Variants in VAPA observed in about 807,000 individuals in gnomAD.
VAPA encodes the protein vesicle-associated membrane protein-associated protein A.
In VAPA, 6 loss-of-function variants were observed where a neutral mutation model predicts 25.6. The observed-to-expected ratio is 0.23, with a 90% CI of 0.13 to 0.46. VAPA has a LOEUF of 0.46. Ranked by LOEUF, VAPA falls within the 20% of genes least tolerant of loss-of-function variation. VAPA has a pLI of 0.99. For synonymous variants in VAPA, 112 were observed against 106.2 expected, an observed-to-expected ratio of 1.05 and a Z score of -0.34; for missense variants, 244 against 302.1, an observed-to-expected ratio of 0.81 and a Z score of 1.43.
chr18:9,930,854 A>G (rs762817923), intron 1 of VAPA, among the ~76,000 whole-genome samples: 1 of 152,036 alleles, frequency 6.6e-6, no homozygotes, highest in East Asian at 1.9e-4. Context: ...ATATTTTACT[A>G]CTAACAAACT....
chr18:9,922,163 T>G (rs936389024), intron 1 of VAPA, among the ~76,000 whole-genome samples: 1 of 152,036 alleles, frequency 6.6e-6, no homozygotes, highest in Non-Finnish European at 1.5e-5. Context: ...GTAGAGACAG[T>G]CTTGCTATTT....
intron 3 of VAPA, 42 bp from the exon 4 acceptor site, chr18:9,936,944 T>A (rs1003884109): frequency 3.8e-6 from 6 of 1,567,366 alleles, no homozygotes; most frequent in Non-Finnish European, 4.4e-6. Flanking sequence ...CTTACCATGA[T>A]CATACCTCCT....
At chr18:9,944,925 G>T (rs1269839696) in intron 4 of VAPA, 1 of 1,614,002 alleles carries the variant, frequency 6.2e-7, no homozygotes, top group Non-Finnish European at 8.5e-7. Flanking sequence ...CCATCTCAGG[G>T]TATAACTCCA....
intron 1 of VAPA, among the ~76,000 whole-genome samples, chr18:9,930,578 G>A (rs976036039): frequency 1.4e-4 from 21 of 151,920 alleles, no homozygotes; most frequent in African/African-American, 5.1e-4. Context: ...AAAGATAATG[G>A]AAGCTCTTGG....
Position 9,955,993 on chromosome 18 carries a change from C to T in VAPA, c.*1782C>T, listed in dbSNP as rs2069545963. On this transcript the variant is annotated 3_prime_UTR_variant, in exon 6 of 6. Coordinates refer to ENST00000400000, the MANE Select transcript of VAPA (RefSeq NM_194434.3). ...GAATCAGTAATTCCTTGGCTTAAAG[C>T]TCTTATATAATCAATATTATTGGTG... The T allele has an allele frequency of 6.6e-6, 1 of 152,106 alleles. No homozygotes were observed. The highest frequency in any genetic ancestry group is 1.9e-4 in the East Asian group (1 of 5,198). The allele number at this position is 152,106 out of a possible 1,614,324, so 9.4% of individuals were successfully genotyped here.
chr18:9,914,413 C>A (rs900501472), intron 1 of VAPA, 78 bp downstream of exon 1: 34 of 1,347,570 alleles, frequency 2.5e-5, no homozygotes, highest in Non-Finnish European at 3.0e-5. Flanking sequence ...GCGGAGGGCA[C>A]GTCCGCGGCC....
At chr18:9,921,679 T>TTATC (rs1405785367) in intron 1 of VAPA, among the ~76,000 whole-genome samples, 2 of 152,218 alleles carry the variant, frequency 1.3e-5, no homozygotes, top group Non-Finnish European at 2.9e-5. Flanking sequence ...AGGTGGAAGT[T>TTATC]GATACAGGAT....
intron 4 of VAPA, 118 bp downstream of exon 4, chr18:9,937,184 A>T: frequency 3.8e-6 from 2 of 531,554 alleles, no homozygotes; most frequent in South Asian, 4.3e-5. Context: ...ACTTCATAAG[A>T]CTCAGTGGTT....
At chr18:9,950,215 G>A (rs2069474175) in intron 4 of VAPA, 180 bp from the exon 5 acceptor site, 1 of 588,676 alleles carries the variant, frequency 1.7e-6, no homozygotes, top group Non-Finnish European at 3.0e-6. Flanking sequence ...ACGTGCCAGG[G>A]ATTATGGGAA....
At chr18:9,931,396 G>T (rs1254376485) in intron 1 of VAPA, among the ~76,000 whole-genome samples, 9 of 152,218 alleles carry the variant, frequency 5.9e-5, no homozygotes, top group Admixed American at 5.9e-4. Flanking sequence ...GTCATAGGGT[G>T]TAGGGTCTTC....
At chr18:9,948,312 A>G (rs1203212387) in intron 4 of VAPA, 1 of 152,196 alleles carries the variant, frequency 6.6e-6, no homozygotes, top group Admixed American at 6.5e-5. Flanking sequence ...AAAGAATGGA[A>G]AGCTGCCCAT....
At chr18:9,953,192 C>CAG (rs2069508039) in intron 5 of VAPA, among the ~76,000 whole-genome samples, 1 of 152,174 alleles carries the variant, frequency 6.6e-6, no homozygotes, top group Non-Finnish European at 1.5e-5. Context: ...GCTCTAAAGA[C>CAG]ATAGTGCTGT....
chr18:9,917,308 A>T (rs757138239), intron 1 of VAPA, among the ~76,000 whole-genome samples: 6 of 152,050 alleles, frequency 3.9e-5, no homozygotes, highest in South Asian at 2.1e-4. Flanking sequence ...GTTTTTTTAA[A>T]TTTTTTTATT....
intron 4 of VAPA, among the ~76,000 whole-genome samples, chr18:9,946,026 T>C (rs1299296817): frequency 6.6e-6 from 1 of 152,338 alleles, no homozygotes; most frequent in East Asian, 1.9e-4. Flanking sequence ...ATGTCTTTTA[T>C]CTCCTTTGTT....
Position 9,938,478 on chromosome 18 carries a change from A to G in VAPA, c.417+1412A>G, listed in dbSNP as rs568926657. Among the ~76,000 whole-genome samples the G allele has an allele frequency of 2.0e-4, 30 of 152,306 alleles. 1 individual carries two copies. The East Asian group carries it at 2.7e-3, about 14-fold the overall frequency. On this transcript the variant is annotated intron_variant, in intron 4 of 5. Transcript: ENST00000400000. ...GTGAAAAGAGCAGTTATGCCTACCTATTGGTCTAGCCCATAGTTATCCAAG... is the reference window on the plus strand; with the variant it reads ...GTGAAAAGAGCAGTTATGCCTACCTGTTGGTCTAGCCCATAGTTATCCAAG...
chr18:9,917,807 C>CG (rs141928124), intron 1 of VAPA, among the ~76,000 whole-genome samples: 8,267 of 145,230 alleles, frequency 0.057, 265 homozygotes, highest in South Asian at 0.14. Flanking sequence ...CAGCACGGGG[C>CG]GGGGGGGAAA....
rs749045189 is a variant in VAPA, at chr18:9,931,959, T to A, written c.229T>A (p.Ser77Thr). 2 of 1,584,382 alleles carry A rather than the reference T, an allele frequency of 1.3e-6. No homozygotes were observed. Among genetic ancestry groups the A allele is most frequent in the Non-Finnish European group, 1.7e-6 (2 of 1,166,060 alleles). The change falls in exon 2 of 6, where the codon TCA becomes ACA. Residue 77 changes from serine (S) to threonine (T), a missense_variant. Ser to Thr is a moderately conservative substitution (Grantham distance 58, BLOSUM62 1). Coordinates refer to ENST00000400000, the MANE Select transcript of VAPA (RefSeq NM_194434.3). ...TGACCCAGGGTCAACTGTGACTGTT[T>A]CAGGTAGCAAATCATGTTCTGAATT... is the stretch of plus-strand genomic sequence containing the variant. Reference protein sequence around the residue: ...IIDPGSTVTVSVMLQPFDYDP... With the variant: ...IIDPGSTVTVTVMLQPFDYDP...
chr18:9,952,154 T>C (rs1363227805), intron 5 of VAPA, among the ~76,000 whole-genome samples: 1 of 152,074 alleles, frequency 6.6e-6, no homozygotes, highest in Non-Finnish European at 1.5e-5. Context: ...GGCTGGAAAA[T>C]AGGAAGAGTG....
intron 2 of VAPA, among the ~76,000 whole-genome samples, chr18:9,933,967 G>T (rs1202577025): frequency 1.3e-5 from 2 of 152,200 alleles, no homozygotes; most frequent in African/African-American, 4.8e-5. Context: ...TGGTTTCTGT[G>T]TATTAATATT....
Sources: allele counts gnomAD v4.1 joint callset (sites outside exome capture counted in the v4.1 genomes callset), GRCh38; gene constraint gnomAD v4.1.1; transcripts MANE v1.5; gene names NCBI Gene and HGNC (gene_info 2026-07-23, HGNC 2026-07-21).